ZNF521: variants seen among roughly 807,000 people sequenced by gnomAD.
ZNF521 encodes the protein zinc finger protein 521.
In ZNF521, 14 loss-of-function variants were observed where a neutral mutation model predicts 105.5. The observed-to-expected ratio is 0.13, with a 90% CI of 0.09 to 0.21. The LOEUF (loss-of-function observed/expected upper bound fraction) is 0.21. Among genes scored for constraint, ZNF521 ranks in the 10% least tolerant of loss-of-function variants. ZNF521 has a pLI of 1.00. For missense variants in ZNF521, 1,233 were observed against 1,629.7 expected, an observed-to-expected ratio of 0.76 and a Z score of 4.19; for synonymous variants, 635 against 606.0, an observed-to-expected ratio of 1.05 and a Z score of -0.70.
chr18:25,081,994 A>G lies in ZNF521; in HGVS notation c.3906+7471T>C, dbSNP rs1651788333. ...AATATTAACAGCTGAAAGTGATCAA[A>G]ACTAATGGTGAAAACATAGCACCAA... On this transcript the variant is annotated intron_variant, in intron 7 of 7. Transcript: ENST00000361524. 1.3e-5 allele frequency among the ~76,000 whole-genome samples: 2 copies of G among 152,234 alleles called. 1 individual carries two copies. The highest frequency in any genetic ancestry group is 4.1e-4 in the South Asian group (2 of 4,834).
rs779785946 is a variant in ZNF521 at position 25,227,085 on chromosome 18, C to T, written c.833G>A (p.Arg278Gln). The T allele has an allele frequency of 8.1e-6, 13 of 1,613,970 alleles. No homozygotes were observed. In the Middle Eastern group the frequency reaches 4.9e-4, roughly 61 times the overall value. Residue 278 changes from arginine to glutamine, a missense_variant, in exon 4 of 8, where the codon CGA becomes CAA. This residue lies in a region of ZNF521 where 380 missense variants were observed against 478.0 expected (regional missense o/e 0.80). Transcript: ENST00000361524. This position sits in a 1 kb window ranked among gnomAD's most constrained non-coding sequence, Gnocchi z 5.7. ...CHPECSPNED[R>Q]AALQCVYCHE... ...GCAGTAGACACACTGGAGGGCCGCT[C>T]GGTCCTCATTTGGGGAGCATTCGGG...
Position 25,067,177 on chromosome 18 carries a change from C to G in ZNF521, c.3907-4436G>C, listed in dbSNP as rs76330621. ...CCCAGTTATGAACAGTTGTTTTACA[C>G]GAGGGGGGTTTGTGTTAAAAAAAAA... On this transcript the variant is annotated intron_variant, in intron 7 of 7. Coordinates refer to ENST00000361524, the MANE Select transcript of ZNF521 (RefSeq NM_015461.3). Among the ~76,000 whole-genome samples the G allele has an allele frequency of 2.4e-3, 365 of 151,980 alleles. 6 individuals are homozygous for G. The highest frequency in any genetic ancestry group is 8.2e-3 in the African/African-American group (341 of 41,428).
rs1183107175 is a variant in ZNF521, at chr18:25,266,900, G to A, written c.221-39203C>T. Among the ~76,000 whole-genome samples, 5 of 152,230 alleles carry A rather than the reference G, an allele frequency of 3.3e-5. No homozygotes were observed. The East Asian group carries it at 5.8e-4, about 18-fold the overall frequency. ...TTTGTTTCTTTTTTTCCATATCCCAGTGACATCTGGAACACCAGCTAGACA... is the reference window on the plus strand; with the variant it reads ...TTTGTTTCTTTTTTTCCATATCCCAATGACATCTGGAACACCAGCTAGACA... On this transcript the variant is annotated intron_variant, in intron 3 of 7. Coordinates refer to ENST00000361524, the MANE Select transcript of ZNF521 (RefSeq NM_015461.3).
chr18:25,188,875 G>T (rs572857420), intron 5 of ZNF521, among the ~76,000 whole-genome samples: 1 of 152,160 alleles, frequency 6.6e-6, no homozygotes, highest in Non-Finnish European at 1.5e-5. Flanking sequence ...CTGAATCTTC[G>T]ATCTATGGCC....
intron 2 of ZNF521, among the ~76,000 whole-genome samples, chr18:25,326,229 C>G (rs1313645197): frequency 6.6e-6 from 1 of 152,182 alleles, no homozygotes; most frequent in African/African-American, 2.4e-5. Context: ...ACATATTTCT[C>G]TCTGTGCAAC....
intron 3 of ZNF521, among the ~76,000 whole-genome samples, chr18:25,236,490 C>A (rs1906901583): frequency 6.6e-6 from 1 of 150,710 alleles, no homozygotes; most frequent in Non-Finnish European, 1.5e-5. Flanking sequence ...GAGCCGAGAT[C>A]ACGCCACTGC....
At chr18:25,264,744 G>T (rs909296103) in intron 3 of ZNF521, among the ~76,000 whole-genome samples, 1 of 151,882 alleles carries the variant, frequency 6.6e-6, no homozygotes, top group Non-Finnish European at 1.5e-5. Flanking sequence ...ACAAAAGCCC[G>T]AAAGTTCTAT....
intron 5 of ZNF521, among the ~76,000 whole-genome samples, chr18:25,115,967 T>C (rs2034292901): frequency 1.3e-5 from 2 of 152,148 alleles, no homozygotes; most frequent in Non-Finnish European, 2.9e-5. Flanking sequence ...TTCAAAGCAG[T>C]ATATTAATAG....
At chr18:25,237,444 A>G (rs1189837019) in intron 3 of ZNF521, among the ~76,000 whole-genome samples, 2 of 152,108 alleles carry the variant, frequency 1.3e-5, no homozygotes, top group Non-Finnish European at 2.9e-5. Flanking sequence ...ATGTGTCTAT[A>G]TATAAATAAC....
Position 25,227,125 on chromosome 18 carries a change from T to C in ZNF521, c.793A>G (p.Ile265Val). 2 of 1,614,136 alleles carry C rather than the reference T, an allele frequency of 1.2e-6. No homozygotes were observed. The highest frequency in any genetic ancestry group is 4.5e-5 in the East Asian group (2 of 44,870). Residue 265 changes from isoleucine to valine, a missense_variant, in exon 4 of 8, where the codon ATT (isoleucine) becomes GTT (valine). Ile to Val is a conservative substitution (Grantham distance 29, BLOSUM62 3). Around this residue, in one of 6 missense-constraint regions of ZNF521, gnomAD observed 380 missense variants for 478.0 expected, o/e 0.80. Transcript: ENST00000361524. The surrounding 1 kb of genome is among the most constrained non-coding windows in gnomAD (Gnocchi z 5.7). Reference sequence around the variant, plus strand: ...GAGCATTCGGGGTGGCACTCTGCAATGTGTTTTTGGAGGTCTTCCGGGAAG... The same window carrying C: ...GAGCATTCGGGGTGGCACTCTGCAACGTGTTTTTGGAGGTCTTCCGGGAAG... ...FDFPEDLQKHIAECHPECSPN... is the reference protein window; with the variant it reads ...FDFPEDLQKHVAECHPECSPN...
chr18:25,176,660 A>C (rs1328563672), intron 5 of ZNF521, among the ~76,000 whole-genome samples: 2 of 152,216 alleles, frequency 1.3e-5, no homozygotes, highest in East Asian at 3.9e-4. Flanking sequence ...AATTTAAATG[A>C]ATTCCACTAG....
chr18:25,286,706 T>G (rs1402028853), intron 3 of ZNF521, among the ~76,000 whole-genome samples: 6 of 151,956 alleles, frequency 3.9e-5, no homozygotes, highest in Admixed American at 3.3e-4. Context: ...ACCATTTGGG[T>G]AGGAGGAAAG....
chr18:25,240,902 C>A lies in ZNF521; in HGVS notation c.221-13205G>T, dbSNP rs187459205. 2.1e-5 allele frequency among the ~76,000 whole-genome samples: 3 copies of A among 140,632 alleles called. No homozygotes were observed. In the East Asian group the frequency reaches 6.3e-4, roughly 30 times the overall value. The allele number at this position is 140,632 out of a possible 152,430, so 92.3% of individuals were successfully genotyped here. ...CTCGACAGGCAGGCCAGCACTGGGG[C>A]GAGTTTTCTGCACTACTTTGTGTCA... On this transcript the variant is annotated intron_variant, in intron 3 of 7. Transcript: ENST00000361524.
chr18:25,071,768 A>T (rs1392676008), intron 7 of ZNF521, among the ~76,000 whole-genome samples: 2 of 152,170 alleles, frequency 1.3e-5, no homozygotes, highest in East Asian at 1.9e-4. Flanking sequence ...CAGATAAAGG[A>T]CACTCATTGC....
chr18:25,249,145 T>C (rs1050915876), intron 3 of ZNF521, among the ~76,000 whole-genome samples: 4 of 151,946 alleles, frequency 2.6e-5, no homozygotes, highest in African/African-American at 9.7e-5. Context: ...CCTCTTTACT[T>C]TCTTTTTTTT....
Position 25,287,196 on chromosome 18 carries a change from C to T in ZNF521, c.220+34812G>A, listed in dbSNP as rs111855503. 5.9e-5 allele frequency among the ~76,000 whole-genome samples: 9 copies of T among 152,278 alleles called. 1 individual carries two copies. In the South Asian group the frequency reaches 6.2e-4, roughly 11 times the overall value. On this transcript the variant is annotated intron_variant, in intron 3 of 7. Transcript: ENST00000361524. Reference sequence around the variant, plus strand: ...AAGAAACACTCCTGGGGGGCCTGGTCGGCTTCTCTTCTGAGGAAACTGACT... The same window carrying T: ...AAGAAACACTCCTGGGGGGCCTGGTTGGCTTCTCTTCTGAGGAAACTGACT...
Position 25,179,116 on chromosome 18 carries a change from C to CTTTTTTT in ZNF521, c.3658+16037_3658+16043dup, listed in dbSNP as rs1175859497. Among the ~76,000 whole-genome samples the CTTTTTTT allele has an allele frequency of 1.4e-3, 73 of 52,476 alleles. 16 individuals carry two copies. The highest frequency in any genetic ancestry group is 1.8e-3 in the Non-Finnish European group (52 of 28,966). 34.4% of individuals were successfully genotyped at this position (52,476 alleles called of 152,430 possible). On this transcript the variant is annotated intron_variant, in intron 5 of 7. Coordinates refer to ENST00000361524, the MANE Select transcript of ZNF521 (RefSeq NM_015461.3). ...GACTTATACTTCTTTTTCTTTATTC[C>CTTTTTTT]TTTTTTTTTTTTTTTTTTTTTTTTT...
intron 5 of ZNF521, among the ~76,000 whole-genome samples, chr18:25,187,668 G>GA (rs746598470): frequency 6.6e-6 from 1 of 152,152 alleles, no homozygotes; most frequent in Non-Finnish European, 1.5e-5. Flanking sequence ...ACAGTACAGA[G>GA]AAAGGAATCA....
chr18:25,200,518 G>A (rs1389758491), intron 4 of ZNF521, among the ~76,000 whole-genome samples: 1 of 151,700 alleles, frequency 6.6e-6, no homozygotes, highest in Non-Finnish European at 1.5e-5. Context: ...AATTTTCAGT[G>A]ATTAAAATCA....
Sources: allele counts gnomAD v4.1 joint callset (sites outside exome capture counted in the v4.1 genomes callset), GRCh38; gene constraint gnomAD v4.1.1; regional missense constraint gnomAD v4.1.1; non-coding constraint Gnocchi (gnomAD v3.1); transcripts MANE v1.5; gene names NCBI Gene and HGNC (gene_info 2026-07-23, HGNC 2026-07-21).